MXI1: variants seen among roughly 807,000 people sequenced by gnomAD.
MXI1 encodes the protein max-interacting protein 1.
In MXI1, 18 loss-of-function variants were observed where a neutral mutation model predicts 36.9. The observed-to-expected ratio is 0.49, with a 90% CI of 0.34 to 0.72. The LOEUF (loss-of-function observed/expected upper bound fraction) is 0.72, where lower values mean the gene tolerates loss of function less well. MXI1 is among the 30% of genes least tolerant of loss of function. The probability of loss-of-function intolerance (pLI) is 0.01; values close to 1 mark genes in which losing one functional copy is unlikely to be tolerated. For missense variants in MXI1, 304 were observed against 379.1 expected, an observed-to-expected ratio of 0.80 and a Z score of 1.64; for synonymous variants, 160 against 146.7, an observed-to-expected ratio of 1.09 and a Z score of -0.65.
chr10:110,253,802 G>A (rs1228707317), intron 3 of MXI1, among the ~76,000 whole-genome samples: 2 of 152,054 alleles, frequency 1.3e-5, no homozygotes. Flanking sequence ...AAGATGCAAA[G>A]GGTATTAGTA....
chr10:110,250,829 C>CAA lies in MXI1; in HGVS notation c.437+5990_437+5991dup, dbSNP rs113320766. 6.5e-3 allele frequency among the ~76,000 whole-genome samples: 661 copies of CAA among 101,692 alleles called. 7 individuals carry two copies. The highest frequency in any genetic ancestry group is 0.013 in the African/African-American group (392 of 29,532). 66.7% of individuals were successfully genotyped at this position (101,692 alleles called of 152,430 possible). On this transcript the variant is annotated intron_variant, in intron 3 of 5. Transcript: ENST00000332674. ...CCTCAGTGACAGAGCAAGACTTTGT[C>CAA]AAAAAAAAAAAAAAAAAAATAACAA...
At chr10:110,229,371 G>A (rs1377414731) in intron 2 of MXI1, among the ~76,000 whole-genome samples, 7 of 152,122 alleles carry the variant, frequency 4.6e-5, no homozygotes, top group Admixed American at 2.6e-4. Context: ...GCTTTGGGGA[G>A]CTTCAGTCAG....
rs1857435755 is a variant in MXI1, at chr10:110,286,856, A to C, written c.*1869A>C. 6.6e-6 allele frequency: 1 copy of C among 152,252 alleles called. No homozygotes were observed. Among genetic ancestry groups the C allele is most frequent in the African/African-American group, 2.4e-5 (1 of 41,464 alleles). 9.4% of individuals were successfully genotyped at this position (152,252 alleles called of 1,614,324 possible). A position where few individuals can be genotyped will look rare whatever the true frequency, so the allele number is the denominator to read the frequency against. Reference sequence around the variant, plus strand: ...GAGTGAAAAACTGCATGCCTTTAGAAGCCCAGTATCAGAACTTGCTACGTT... The same window carrying C: ...GAGTGAAAAACTGCATGCCTTTAGACGCCCAGTATCAGAACTTGCTACGTT... On this transcript the variant is annotated 3_prime_UTR_variant, in exon 6 of 6. Transcript: ENST00000332674.
chr10:110,239,317 T>G (rs1855582614), intron 2 of MXI1, among the ~76,000 whole-genome samples: 1 of 152,146 alleles, frequency 6.6e-6, no homozygotes, highest in Non-Finnish European at 1.5e-5. Flanking sequence ...TTCTTTCAGT[T>G]TAGTTTGTTC....
intron 3 of MXI1, among the ~76,000 whole-genome samples, chr10:110,266,344 G>A (rs1019090876): frequency 1.3e-5 from 2 of 152,032 alleles, no homozygotes; most frequent in Non-Finnish European, 2.9e-5. Context: ...TCCTGACCTC[G>A]TGATCCGCCC....
intron 2 of MXI1, among the ~76,000 whole-genome samples, chr10:110,244,430 A>G (rs1318020392): frequency 6.6e-6 from 1 of 151,868 alleles, no homozygotes; most frequent in Non-Finnish European, 1.5e-5. Context: ...AAGTGGGTAG[A>G]TGGAGATAGA....
At chr10:110,231,987 G>A (rs1315861281) in intron 2 of MXI1, among the ~76,000 whole-genome samples, 1 of 137,686 alleles carries the variant, frequency 7.3e-6, no homozygotes, top group East Asian at 2.2e-4. Flanking sequence ...TTTTTTTTTT[G>A]TCTGGTTCTG....
chr10:110,267,218 T>C (rs1040567281), intron 3 of MXI1, among the ~76,000 whole-genome samples: 4 of 152,352 alleles, frequency 2.6e-5, no homozygotes, highest in African/African-American at 9.6e-5. Flanking sequence ...CAATATGTGG[T>C]AACTATATGG....
In MXI1 at chr10:110,280,031, C is replaced by A. The variant is rs752984163; in HGVS notation, c.670C>A (p.Arg224=). ...LQGPQEMERI[R]MDSIGSTISS... ...GGGTCCTCAGGAGATGGAACGAATA[C>A]GAATGGACAGCATTGGATCAACTAT... Residue 224 remains arginine (R), a synonymous_variant, in exon 5 of 6, where the codon CGA becomes AGA. Coordinates refer to ENST00000332674, the MANE Select transcript of MXI1 (RefSeq NM_130439.3). The A allele has an allele frequency of 2.5e-6, 4 of 1,605,042 alleles. No homozygotes were observed. In the East Asian group the frequency reaches 9.0e-5, roughly 36 times the overall value.
At chr10:110,219,287 G>A (rs1396044000) in intron 1 of MXI1, among the ~76,000 whole-genome samples, 2 of 152,340 alleles carry the variant, frequency 1.3e-5, no homozygotes, top group Non-Finnish European at 2.9e-5. Flanking sequence ...GAGACAGAGT[G>A]AGACTCCGTG....
rs1192057126 is a variant in MXI1, at chr10:110,207,819, G to A, written c.11G>A (p.Arg4His). The A allele has an allele frequency of 1.8e-6, 2 of 1,118,034 alleles. No homozygotes were observed. The highest frequency in any genetic ancestry group is 2.2e-6 in the Non-Finnish European group (2 of 915,468). 69.3% of individuals were successfully genotyped at this position (1,118,034 alleles called of 1,614,324 possible). Residue 4 changes from arginine (R) to histidine (H), a missense_variant, in exon 1 of 6, where the codon CGC (arginine) becomes CAC (histidine). Coordinates refer to ENST00000332674, the MANE Select transcript of MXI1 (RefSeq NM_130439.3). MGK[R>H]GRPRKEARCE... ...GACCCCCGCTCCTCCATGGGCAAAC[G>A]CGGGCGGCCGCGCAAGGAGGCGCGC... is the stretch of plus-strand genomic sequence containing the variant.
At chr10:110,228,143 G>T in intron 1 of MXI1, 46 bp from the exon 2 acceptor site, 1 of 1,602,022 alleles carries the variant, frequency 6.2e-7, no homozygotes, top group South Asian at 1.1e-5. Flanking sequence ...AATGGATTTG[G>T]GTACTATATT....
chr10:110,284,111 TGA>T (rs1214208568), intron 5 of MXI1, among the ~76,000 whole-genome samples: 1 of 151,986 alleles, frequency 6.6e-6, no homozygotes, highest in African/African-American at 2.4e-5. Context: ...TATTGATAGC[TGA>T]GTCAAATATG....
Position 110,207,925 on chromosome 10 carries a change from C to T in MXI1, c.117C>T (p.Pro39=), listed in dbSNP as rs1216393776. ...CCGCGCCCCAGCCCCCGGCCCTGCC[C>T]GAGGACCCCGCTGGGGCCAAGCCCA... is the stretch of plus-strand genomic sequence containing the variant. ...AVAAPQPPAL[P]EDPAGAKPRC... is the part of the protein sequence containing the mutation. The change falls in exon 1 of 6, where the codon CCC becomes CCT. Residue 39 remains proline (P), a synonymous_variant. Transcript: ENST00000332674. 9.7e-6 allele frequency: 15 copies of T among 1,551,396 alleles called. No homozygotes were observed. In the South Asian group the frequency reaches 1.6e-4, roughly 17 times the overall value.
chr10:110,212,961 AC>A (rs1486810536), intron 1 of MXI1, among the ~76,000 whole-genome samples: 1 of 152,188 alleles, frequency 6.6e-6, no homozygotes. Context: ...ATAGCACACC[AC>A]TGGGCATACA....
chr10:110,266,317 C>T (rs1856676978), intron 3 of MXI1, among the ~76,000 whole-genome samples: 1 of 152,078 alleles, frequency 6.6e-6, no homozygotes, highest in African/African-American at 2.4e-5. Context: ...ACCATGCTGG[C>T]CAGGCTAGTC....
chr10:110,256,013 T>C (rs1199020510), intron 3 of MXI1, among the ~76,000 whole-genome samples: 1 of 152,162 alleles, frequency 6.6e-6, no homozygotes, highest in African/African-American at 2.4e-5. Context: ...AAATAATTTC[T>C]CACATTTATG....
In MXI1 at chr10:110,252,080, A is replaced by G. The variant is rs540013179; in HGVS notation, c.437+7223A>G. Among the ~76,000 whole-genome samples the G allele has an allele frequency of 4.6e-5, 7 of 152,270 alleles. No homozygotes were observed. In the South Asian group the frequency reaches 1.2e-3, roughly 27 times the overall value. On this transcript the variant is annotated intron_variant, in intron 3 of 5. Transcript: ENST00000332674. ...GGAGACCAGTTTGGATGCTTTCTGA[A>G]GTAGTCCATATAATAAAAAGATATG...
chr10:110,283,593 C>A (rs1201805637), intron 5 of MXI1, among the ~76,000 whole-genome samples: 2 of 151,548 alleles, frequency 1.3e-5, no homozygotes, highest in Non-Finnish European at 2.9e-5. Flanking sequence ...TTAGTGTGAA[C>A]CCTTAAAAAG....
Sources: gnomAD v4.1 joint callset for allele counts (sites outside exome capture counted in the v4.1 genomes callset) on GRCh38, gnomAD v4.1.1 for gene constraint, MANE v1.5 for transcripts, NCBI Gene and HGNC (gene_info 2026-07-23, HGNC 2026-07-21) for gene names.